Variants in FAM193A observed in about 807,000 individuals in gnomAD.
FAM193A encodes protein FAM193A.
A neutral mutation model predicts 126.5 loss-of-function variants in FAM193A; 22 were observed. The observed-to-expected ratio is 0.17, with a 90% CI of 0.12 to 0.25. The LOEUF (loss-of-function observed/expected upper bound fraction) is 0.25, where lower values mean the gene tolerates loss of function less well. Ranked by LOEUF, FAM193A falls within the 10% of genes least tolerant of loss-of-function variation. The probability of loss-of-function intolerance (pLI) is 1.00; values close to 1 mark genes in which losing one functional copy is unlikely to be tolerated. For synonymous variants in FAM193A, 761 were observed against 646.8 expected, an observed-to-expected ratio of 1.18 and a Z score of -2.68; for missense variants, 1,675 against 1,672.8, an observed-to-expected ratio of 1.00 and a Z score of -0.02.
intron 18 of FAM193A, among the ~76,000 whole-genome samples, chr4:2,697,503 G>A (rs1223808277): frequency 1.3e-5 from 2 of 152,208 alleles, no homozygotes; most frequent in African/African-American, 2.4e-5. Context: ...CATGCAGAGG[G>A]AACTTGTAGG....
At chr4:2,630,330 T>TA (rs3037154) in intron 4 of FAM193A, among the ~76,000 whole-genome samples, 49,718 of 149,034 alleles carry the variant, frequency 0.33, 9,703 homozygotes, top group Admixed American at 0.52. Context: ...GGATAATTGT[T>TA]AAAAAAAAAA....
chr4:2,538,419 G>C (rs113206472), intron 1 of FAM193A, among the ~76,000 whole-genome samples: 54,057 of 151,940 alleles, frequency 0.36, 10,426 homozygotes, highest in Admixed American at 0.54. Flanking sequence ...TCTCGAACTC[G>C]TGATCTCAGG....
chr4:2,536,342 G>A (rs1736870013), upstream of FAM193A, among the ~76,000 whole-genome samples: 1 of 151,672 alleles, frequency 6.6e-6, no homozygotes, highest in Non-Finnish European at 1.5e-5. Flanking sequence ...GAGCGAGGCG[G>A]TGACATCACC....
At chr4:2,544,931 A>G (rs1037236989) in intron 1 of FAM193A, among the ~76,000 whole-genome samples, 2 of 151,774 alleles carry the variant, frequency 1.3e-5, no homozygotes, top group Admixed American at 1.3e-4. Flanking sequence ...CATCTCCTTC[A>G]TGGTCGTTTC....
At chr4:2,619,531 G>A (rs1038585293) in intron 2 of FAM193A, among the ~76,000 whole-genome samples, 10 of 151,644 alleles carry the variant, frequency 6.6e-5, no homozygotes, top group Admixed American at 3.9e-4. Flanking sequence ...TAGAGGTGGG[G>A]TAATTTTTGT....
At chr4:2,560,858 G>A (rs1560443409) in intron 1 of FAM193A, among the ~76,000 whole-genome samples, 1 of 152,134 alleles carries the variant, frequency 6.6e-6, no homozygotes, top group South Asian at 2.1e-4. Flanking sequence ...ATGTTTCTCA[G>A]GCTGGTCTCG....
intron 13 of FAM193A, among the ~76,000 whole-genome samples, chr4:2,673,326 C>T (rs1390927322): frequency 6.6e-6 from 1 of 152,148 alleles, no homozygotes; most frequent in East Asian, 1.9e-4. Context: ...CACAGTTTTT[C>T]CAAACACATG....
chr4:2,646,246 T>G (rs866897154), intron 6 of FAM193A, among the ~76,000 whole-genome samples: 86 of 140,262 alleles, frequency 6.1e-4, no homozygotes, highest in Middle Eastern at 4.1e-3. Context: ...TTCGGCTCAC[T>G]GCAACCTCCG....
intron 8 of FAM193A, 73 bp from the exon 9 acceptor site, chr4:2,659,485 A>C: frequency 1.9e-6 from 2 of 1,028,640 alleles, no homozygotes; most frequent in Non-Finnish European, 3.0e-6. Flanking sequence ...TGTCAGCAGA[A>C]TTACTGAAAA....
intron 1 of FAM193A, among the ~76,000 whole-genome samples, chr4:2,571,770 C>A (rs1182001823): frequency 6.6e-6 from 1 of 151,800 alleles, no homozygotes; most frequent in Non-Finnish European, 1.5e-5. Flanking sequence ...GAACTCCCGA[C>A]CTCAGGTGAT....
chr4:2,714,849 G>C (rs1719368518), intron 19 of FAM193A, among the ~76,000 whole-genome samples: 1 of 152,192 alleles, frequency 6.6e-6, no homozygotes, highest in Non-Finnish European at 1.5e-5. Context: ...AGAAATGTCA[G>C]TGGCTCCTGT....
Position 2,660,179 on chromosome 4 carries a change from G to A in FAM193A, c.1745+125G>A. 9 of 976,988 alleles carry A rather than the reference G, an allele frequency of 9.2e-6. No homozygotes were observed. The South Asian group carries it at 1.4e-4, about 15-fold the overall frequency. 60.5% of individuals were successfully genotyped at this position (976,988 alleles called of 1,614,324 possible). ...TGCTTTTCATGACAAGGGACCCTGAGGTTTTTAATGCAGCTTTTAAAACAT... is the reference window on the plus strand; with the variant it reads ...TGCTTTTCATGACAAGGGACCCTGAAGTTTTTAATGCAGCTTTTAAAACAT... On this transcript the variant is annotated intron_variant, in intron 10 of 20. Transcript: ENST00000637812.
intron 1 of FAM193A, among the ~76,000 whole-genome samples, chr4:2,581,420 A>AT (rs903423195): frequency 2.7e-5 from 4 of 150,320 alleles, no homozygotes; most frequent in African/African-American, 9.8e-5. Flanking sequence ...CGCCTGGCTG[A>AT]TTTTTTTGTA....
At position 2,671,994 on chromosome 4, in the gene FAM193A, CAG is replaced by C; in HGVS notation, c.2080-126_2080-125del. 8 of 949,962 alleles carry C rather than the reference CAG, an allele frequency of 8.4e-6. No individual in the cohort carries two copies. In the South Asian group the frequency reaches 9.4e-5, roughly 11 times the overall value. The allele number at this position is 949,962 out of a possible 1,614,324, so 58.8% of individuals were successfully genotyped here. A position where few individuals can be genotyped will look rare whatever the true frequency, so the allele number is the denominator to read the frequency against. On this transcript the variant is annotated intron_variant, in intron 12 of 20. Coordinates refer to ENST00000637812, the MANE Select transcript of FAM193A (RefSeq NM_001366318.2). The stretch of plus-strand genomic sequence containing the variant: ...CTTGCATGGAAGGCCCTGGTCAACT[CAG>C]GGTGTCAGGAAAAGCCCACTTACCT...
At chr4:2,694,925 A>C (rs1218926767) in intron 16 of FAM193A, 21 bp from the exon 17 acceptor site, 3 of 1,566,824 alleles carry the variant, frequency 1.9e-6, no homozygotes, top group Non-Finnish European at 2.6e-6. Flanking sequence ...CTTGCTGATG[A>C]GCTTGTATGC....
At position 2,596,116 on chromosome 4, in the gene FAM193A, A is replaced by G; in HGVS notation, c.288A>G (p.Thr96=). ...TTAGTTTTGGCATGAATCATAGGAC[A>G]CCACCCTACCCTGCTGGGGATTATT... ...TPFSFGMNHR[T]PPYPAGDYCL... is the part of the protein sequence containing the mutation. The change falls in exon 2 of 21, where the codon ACA becomes ACG. Residue 96 remains threonine, a synonymous_variant. Transcript: ENST00000637812. The G allele has an allele frequency of 4.3e-6, 3 of 702,820 alleles. No homozygotes were observed. Among genetic ancestry groups the G allele is most frequent in the Non-Finnish European group, 7.8e-6 (3 of 384,950 alleles). 43.5% of individuals were successfully genotyped at this position (702,820 alleles called of 1,614,324 possible).
In FAM193A at chr4:2,602,959, C is replaced by CTTTTTTTTTTTTTTTT. The variant is rs71178487; in HGVS notation, c.501+6642_501+6657dup. On this transcript the variant is annotated intron_variant, in intron 2 of 20. Transcript: ENST00000637812. Reference sequence around the variant, plus strand: ...ACAAGTGTGAGCCACTGCACCCGGCCTTTTTTTTTTTTTTTTTTTTTTTTT... The same window carrying CTTTTTTTTTTTTTTTT: ...ACAAGTGTGAGCCACTGCACCCGGCCTTTTTTTTTTTTTTTTTTTTTTTTTTTTTTTTTTTTTTTTT... 1.7e-4 allele frequency among the ~76,000 whole-genome samples: 7 copies of CTTTTTTTTTTTTTTTT among 42,306 alleles called. 2 individuals are homozygous for CTTTTTTTTTTTTTTTT. The highest frequency in any genetic ancestry group is 8.1e-4 in the African/African-American group (7 of 8,684). The allele number at this position is 42,306 out of a possible 152,430, so 27.8% of individuals were successfully genotyped here. A position where few individuals can be genotyped will look rare whatever the true frequency, so the allele number is the denominator to read the frequency against.
At chr4:2,619,794 A>G (rs1238952494) in intron 2 of FAM193A, among the ~76,000 whole-genome samples, 6 of 151,890 alleles carry the variant, frequency 4.0e-5, no homozygotes, top group Non-Finnish European at 1.5e-5. Flanking sequence ...CGGTTCAAAC[A>G]ATTCTCCTGC....
intron 2 of FAM193A, among the ~76,000 whole-genome samples, chr4:2,614,851 A>G (rs1192780551): frequency 6.6e-6 from 1 of 152,200 alleles, no homozygotes; most frequent in Non-Finnish European, 1.5e-5. Context: ...AAATTTGCCC[A>G]TTTTATATTA....
Sources: gnomAD v4.1 joint callset for allele counts (sites outside exome capture counted in the v4.1 genomes callset) on GRCh38, gnomAD v4.1.1 for gene constraint, MANE v1.5 for transcripts, NCBI Gene and HGNC (gene_info 2026-07-23, HGNC 2026-07-21) for gene names.